The following NOS1AP variants were observed in gnomAD, a reference collection of about 807,000 sequenced individuals.
The protein encoded by NOS1AP is carboxyl-terminal PDZ ligand of neuronal nitric oxide synthase protein.
NOS1AP carries 21 observed loss-of-function variants against 56.2 expected under a neutral mutation model. That is an observed-to-expected ratio of 0.37 (90% CI 0.26 to 0.54). The LOEUF is 0.54. Among genes scored for constraint, NOS1AP ranks in the 20% least tolerant of loss-of-function variants. The pLI is 0.84. For missense variants in NOS1AP, 522 were observed against 657.8 expected (o/e 0.79, Z 2.26); for synonymous variants, 270 against 274.6 (o/e 0.98, Z 0.17).
intron 2 of NOS1AP, among the ~76,000 whole-genome samples, chr1:162,161,427 A>C (rs1472543029): frequency 1.3e-5 from 2 of 152,202 alleles, no homozygotes; most frequent in African/African-American, 4.8e-5. Flanking sequence ...TTACTAGCTA[A>C]ATGACTGAAC....
chr1:162,079,081 T>C (rs943929502), intron 1 of NOS1AP, among the ~76,000 whole-genome samples: 3 of 152,102 alleles, frequency 2.0e-5, no homozygotes, highest in Admixed American at 6.6e-5. Flanking sequence ...CTTAATTGAC[T>C]CTCCACTCCT....
At chr1:162,173,751 G>A (rs1447823153) in intron 2 of NOS1AP, among the ~76,000 whole-genome samples, 3 of 152,160 alleles carry the variant, frequency 2.0e-5, no homozygotes, top group Non-Finnish European at 2.9e-5. Context: ...ACAAGTGGGC[G>A]AAGGATATGA....
At chr1:162,357,578 T>G (rs1179738272) in intron 8 of NOS1AP, among the ~76,000 whole-genome samples, 2 of 148,566 alleles carry the variant, frequency 1.3e-5, no homozygotes, top group African/African-American at 4.9e-5. Context: ...GTAAAAAGAT[T>G]ACTACCCTAG....
intron 4 of NOS1AP, among the ~76,000 whole-genome samples, chr1:162,317,959 G>C (rs1267461373): frequency 6.6e-6 from 1 of 152,146 alleles, no homozygotes. Flanking sequence ...GAAAGGCTTA[G>C]CTACTTCATA....
intron 2 of NOS1AP, among the ~76,000 whole-genome samples, chr1:162,164,472 T>C (rs112937051): frequency 7.7e-4 from 117 of 152,324 alleles, no homozygotes; most frequent in African/African-American, 2.6e-3. Flanking sequence ...TACCCCAATG[T>C]TTTTCATCCT....
At chr1:162,145,896 A>G (rs1649445153) in intron 1 of NOS1AP, among the ~76,000 whole-genome samples, 1 of 152,114 alleles carries the variant, frequency 6.6e-6, no homozygotes, top group Non-Finnish European at 1.5e-5. Context: ...CAAGGGAGAG[A>G]GTTTGGAAGA....
chr1:162,070,667 T>C (rs1691641467), intron 1 of NOS1AP, among the ~76,000 whole-genome samples: 1 of 152,136 alleles, frequency 6.6e-6, no homozygotes, highest in Non-Finnish European at 1.5e-5. Flanking sequence ...ATTTACCTGC[T>C]GGGCTCCCAG....
chr1:162,269,852 G>C (rs547272315), intron 2 of NOS1AP, among the ~76,000 whole-genome samples: 14 of 151,952 alleles, frequency 9.2e-5, no homozygotes, highest in Non-Finnish European at 1.5e-4. Flanking sequence ...AAGTTGTTAA[G>C]TTCTTAGGAA....
At chr1:162,332,907 A>C (rs561721174) in intron 4 of NOS1AP, 110 bp from the exon 5 acceptor site, 1 of 792,180 alleles carries the variant, frequency 1.3e-6, no homozygotes, top group African/African-American at 1.7e-5. Context: ...TTCTGTAATA[A>C]CTTGGCTCTC....
intron 2 of NOS1AP, among the ~76,000 whole-genome samples, chr1:162,256,967 C>T (rs1309082455): frequency 6.6e-6 from 1 of 152,198 alleles, no homozygotes; most frequent in Admixed American, 6.5e-5. Flanking sequence ...ACTTACAGGG[C>T]ATTCTCTTCT....
At chr1:162,227,244 C>G (rs1338615261) in intron 2 of NOS1AP, among the ~76,000 whole-genome samples, 1 of 152,118 alleles carries the variant, frequency 6.6e-6, no homozygotes, top group African/African-American at 2.4e-5. Context: ...ATAAATTTTT[C>G]ACACATATGA....
At chr1:162,196,875 G>T (rs1332845307) in intron 2 of NOS1AP, among the ~76,000 whole-genome samples, 1 of 152,242 alleles carries the variant, frequency 6.6e-6, no homozygotes, top group Non-Finnish European at 1.5e-5. Flanking sequence ...GTAGAGTAGG[G>T]CTGGAGGCCC....
intron 2 of NOS1AP, among the ~76,000 whole-genome samples, chr1:162,182,695 A>T (rs185767920): frequency 6.6e-6 from 1 of 152,336 alleles, no homozygotes; most frequent in East Asian, 1.9e-4. Flanking sequence ...TACAGGGAGT[A>T]TATTCCATCT....
intron 2 of NOS1AP, among the ~76,000 whole-genome samples, chr1:162,154,783 T>C (rs1279387553): frequency 6.6e-6 from 1 of 152,146 alleles, no homozygotes; most frequent in Non-Finnish European, 1.5e-5. Context: ...ATGTCTCTTT[T>C]TTATTCAAAG....
intron 1 of NOS1AP, among the ~76,000 whole-genome samples, chr1:162,121,887 C>G (rs1286957024): frequency 6.6e-6 from 1 of 152,078 alleles, no homozygotes. Context: ...ATTGAATGTT[C>G]GCAGTTGGGG....
chr1:162,240,852 T>C (rs1196192759), intron 2 of NOS1AP, among the ~76,000 whole-genome samples: 1 of 152,212 alleles, frequency 6.6e-6, no homozygotes, highest in African/African-American at 2.4e-5. Flanking sequence ...CTTGCAGAGT[T>C]CACAGTCTGA....
chr1:162,207,582 A>G (rs2101643104), intron 2 of NOS1AP, among the ~76,000 whole-genome samples: 1 of 152,360 alleles, frequency 6.6e-6, no homozygotes, highest in South Asian at 2.1e-4. Context: ...TAATGCAAGT[A>G]AAGTTGTTAA....
intron 1 of NOS1AP, among the ~76,000 whole-genome samples, chr1:162,082,467 G>T (rs1183850299): frequency 6.6e-6 from 1 of 152,178 alleles, no homozygotes; most frequent in Non-Finnish European, 1.5e-5. Context: ...TAATGGGATT[G>T]CTGGGTCAAA....
At chr1:162,092,964 C>A (rs1028715418) in intron 1 of NOS1AP, among the ~76,000 whole-genome samples, 2 of 152,174 alleles carry the variant, frequency 1.3e-5, no homozygotes, top group Non-Finnish European at 2.9e-5. Context: ...CCTCTATTTT[C>A]TTTTGCAGTT....
Sources: gnomAD v4.1 joint callset for allele counts (sites outside exome capture counted in the v4.1 genomes callset) on GRCh38, gnomAD v4.1.1 for gene constraint, MANE v1.5 for transcripts, NCBI Gene and HGNC (gene_info 2026-07-23, HGNC 2026-07-21) for gene names.